The following DPYD variants were observed in gnomAD, a reference collection of about 807,000 sequenced individuals.
DPYD encodes dihydropyrimidine dehydrogenase [NADP(+)].
Under a neutral mutation model 116.2 loss-of-function variants are expected in DPYD, and 109 were observed. The ratio of observed to expected loss-of-function variants is 0.94; its 90% CI spans 0.80 to 1.10. The LOEUF (loss-of-function observed/expected upper bound fraction) is 1.10. Ranked by LOEUF, DPYD falls within the 50% of genes least tolerant of loss-of-function variation. The pLI is 0.00. For missense variants in DPYD, 1,302 were observed against 1,254.5 expected (o/e 1.04, Z -0.57); for synonymous variants, 440 against 432.0 (o/e 1.02, Z -0.23).
At chr1:97,303,441 C>G (rs534310652) in intron 18 of DPYD, among the ~76,000 whole-genome samples, 32 of 152,000 alleles carry the variant, frequency 2.1e-4, no homozygotes, top group South Asian at 1.9e-3. Context: ...TCCTGACAAC[C>G]ATATTTGATA....
At chr1:97,917,645 A>G (rs1269015897) in intron 1 of DPYD, among the ~76,000 whole-genome samples, 1 of 152,210 alleles carries the variant, frequency 6.6e-6, no homozygotes, top group Non-Finnish European at 1.5e-5. Flanking sequence ...ACCCTTTAAC[A>G]TTCACTAACT....
intron 5 of DPYD, among the ~76,000 whole-genome samples, chr1:97,710,508 T>A (rs959516001): frequency 6.6e-6 from 1 of 151,894 alleles, no homozygotes; most frequent in African/African-American, 2.4e-5. Context: ...CTTCATGTAA[T>A]GTCAAATTTT....
At chr1:97,490,294 A>G (rs754537009) in intron 13 of DPYD, among the ~76,000 whole-genome samples, 24 of 149,206 alleles carry the variant, frequency 1.6e-4, no homozygotes, top group Admixed American at 2.7e-4. Context: ...TTCATCCTTT[A>G]TTATTATACT....
At chr1:97,650,836 C>T (rs937372883) in intron 8 of DPYD, among the ~76,000 whole-genome samples, 1 of 151,714 alleles carries the variant, frequency 6.6e-6, no homozygotes, top group African/African-American at 2.4e-5. Context: ...GTGAATAATT[C>T]AAGGTGTGTA....
intron 13 of DPYD, among the ~76,000 whole-genome samples, chr1:97,478,746 T>C (rs939652608): frequency 6.6e-6 from 1 of 152,236 alleles, no homozygotes; most frequent in African/African-American, 2.4e-5. Context: ...AAGTCCTAGA[T>C]GGCATCTTCT....
At chr1:97,171,025 T>C (rs905058755) in intron 20 of DPYD, among the ~76,000 whole-genome samples, 4 of 152,292 alleles carry the variant, frequency 2.6e-5, no homozygotes, top group African/African-American at 9.6e-5. Context: ...ACTAGTTTAA[T>C]TAAGGCATTG....
chr1:97,760,545 G>A (rs1221513374), intron 3 of DPYD, among the ~76,000 whole-genome samples: 3 of 152,048 alleles, frequency 2.0e-5, no homozygotes, highest in Admixed American at 6.6e-5. Context: ...GTATACAGGA[G>A]GATGTGGAAG....
chr1:97,789,397 A>G (rs1667205568), intron 3 of DPYD, among the ~76,000 whole-genome samples: 1 of 152,178 alleles, frequency 6.6e-6, no homozygotes, highest in Non-Finnish European at 1.5e-5. Flanking sequence ...GGGAGCATCA[A>G]TCATTTAACA....
intron 3 of DPYD, among the ~76,000 whole-genome samples, chr1:97,800,652 G>A (rs954421714): frequency 6.6e-6 from 1 of 151,712 alleles, no homozygotes; most frequent in Non-Finnish European, 1.5e-5. Context: ...AAGTTTTCAA[G>A]TGGCACTCCC....
At chr1:97,469,998 G>A (rs542879995) in intron 13 of DPYD, among the ~76,000 whole-genome samples, 1 of 152,268 alleles carries the variant, frequency 6.6e-6, no homozygotes, top group South Asian at 2.1e-4. Flanking sequence ...AAATAGACTT[G>A]AATATAGACA....
intron 8 of DPYD, among the ~76,000 whole-genome samples, chr1:97,632,722 A>G (rs923255536): frequency 6.6e-6 from 1 of 152,140 alleles, no homozygotes; most frequent in Non-Finnish European, 1.5e-5. Context: ...GAAATGGTCA[A>G]CAAGGACCTC....
At chr1:97,383,119 A>C (rs1672073624) in intron 14 of DPYD, among the ~76,000 whole-genome samples, 1 of 152,138 alleles carries the variant, frequency 6.6e-6, no homozygotes, top group Non-Finnish European at 1.5e-5. Context: ...TGTGGCCCTG[A>C]GCAAAGTATT....
chr1:97,566,425 A>T (rs1337976605), intron 11 of DPYD, among the ~76,000 whole-genome samples: 1 of 152,152 alleles, frequency 6.6e-6, no homozygotes, highest in Non-Finnish European at 1.5e-5. Context: ...AAGTTATTGT[A>T]TTGTATCCAG....
rs138087844 is a variant in DPYD, at chr1:97,648,957, G to A, written c.850+30138C>T. 2.9e-4 allele frequency among the ~76,000 whole-genome samples: 44 copies of A among 151,976 alleles called. 1 individual carries two copies. In the East Asian group the frequency reaches 4.6e-3, roughly 16 times the overall value. Reference sequence around the variant, plus strand: ...AGTGTCCTATATTGAATCTAAATTCGTATTATATTTGTAGTAAGTACACCC... The same window carrying A: ...AGTGTCCTATATTGAATCTAAATTCATATTATATTTGTAGTAAGTACACCC... On this transcript the variant is annotated intron_variant, in intron 8 of 22. Coordinates refer to ENST00000370192, the MANE Select transcript of DPYD (RefSeq NM_000110.4).
chr1:97,736,815 A>C (rs1449384692), intron 4 of DPYD, among the ~76,000 whole-genome samples: 1 of 151,228 alleles, frequency 6.6e-6, no homozygotes, highest in Non-Finnish European at 1.5e-5. Flanking sequence ...CTAGGAATAT[A>C]ACAGAGATAG....
intron 3 of DPYD, among the ~76,000 whole-genome samples, chr1:97,789,224 T>C (rs1667194962): frequency 6.6e-6 from 1 of 152,128 alleles, no homozygotes; most frequent in Admixed American, 6.5e-5. Context: ...CAGCCCTAAT[T>C]TGAGTATAAA....
intron 19 of DPYD, among the ~76,000 whole-genome samples, chr1:97,233,449 G>T (rs537225567): frequency 6.6e-6 from 1 of 152,212 alleles, no homozygotes; most frequent in East Asian, 1.9e-4. Context: ...GCTCATTTTT[G>T]CCCAGTGGGG....
intron 20 of DPYD, among the ~76,000 whole-genome samples, chr1:97,191,878 C>T (rs1238639383): frequency 2.0e-5 from 3 of 152,150 alleles, no homozygotes; most frequent in African/African-American, 7.2e-5. Context: ...TGTCTAAATA[C>T]TGCAGAGTCA....
At chr1:97,671,504 A>C (rs1048239645) in intron 8 of DPYD, among the ~76,000 whole-genome samples, 1 of 152,190 alleles carries the variant, frequency 6.6e-6, no homozygotes, top group Non-Finnish European at 1.5e-5. Context: ...CATTTTGTCA[A>C]AAACAAAAAA....
Sources: allele counts gnomAD v4.1 joint callset (sites outside exome capture counted in the v4.1 genomes callset), GRCh38; gene constraint gnomAD v4.1.1; transcripts MANE v1.5; gene names NCBI Gene and HGNC (gene_info 2026-07-23, HGNC 2026-07-21).